CAD: variants seen among roughly 807,000 people sequenced by gnomAD.
CAD encodes the protein carbamoyl-phosphate synthetase 2, aspartate transcarbamylase, and dihydroorotase.
In CAD, 81 loss-of-function variants were observed where a neutral mutation model predicts 237.2. The observed-to-expected ratio is 0.34, with a 90% CI of 0.29 to 0.41. CAD has a LOEUF of 0.41. CAD is among the 10% of genes least tolerant of loss of function. The probability of loss-of-function intolerance (pLI) is 1.00; values close to 1 mark genes in which losing one functional copy is unlikely to be tolerated. For synonymous variants in CAD, 1,196 were observed against 1,162.8 expected (o/e 1.03, Z -0.58); for missense variants, 2,181 against 2,951.7 (o/e 0.74, Z 6.05).
In CAD at chr2:27,236,828, CG is replaced by C; in HGVS notation, c.4396+1del. 6.2e-7 allele frequency: 1 copy of C among 1,613,840 alleles called. No individual in the cohort carries two copies. Among genetic ancestry groups the C allele is most frequent in the East Asian group, 2.2e-5 (1 of 44,864 alleles). On this transcript the variant is annotated frameshift_variant and splice_region_variant, in exon 27 of 44. Coordinates refer to ENST00000264705, the MANE Select transcript of CAD (RefSeq NM_004341.5). LOFTEE classifies it high-confidence loss of function. This position sits in a 1 kb window ranked among gnomAD's most constrained non-coding sequence, Gnocchi z 4.1. The stretch of plus-strand genomic sequence containing the variant: ...ACCTCCCAAAAGCTTGTGCGACTGC[CG>C]GGTAAGTCTTTGGGGAGAACTTGGC... ...CMTSQKLVRL[P>X]GLIDVHVHLR...
In CAD at chr2:27,226,318, A is replaced by G; in HGVS notation, c.2030A>G (p.Gln677Arg). The G allele has an allele frequency of 6.2e-7, 1 of 1,613,996 alleles. No homozygotes were observed. The highest frequency in any genetic ancestry group is 8.5e-7 in the Non-Finnish European group (1 of 1,179,864). The change falls in exon 13 of 44, where the codon CAG becomes CGG. Residue 677 changes from glutamine (Q) to arginine (R), a missense_variant and splice_region_variant. Coordinates refer to ENST00000264705, the MANE Select transcript of CAD (RefSeq NM_004341.5). ...VQYALNPESE[Q>R]YYIIEVNARL... ...TATGCCTTGAACCCTGAGTCTGAGC[A>G]GGTAAGCTCTAGGCCCTGGAACTGA...
Position 27,232,815 on chromosome 2 carries a change from G to T in CAD, c.2892+121G>T. On this transcript the variant is annotated intron_variant, in intron 18 of 43. Transcript: ENST00000264705. The surrounding 1 kb of genome is among the most constrained non-coding windows in gnomAD (Gnocchi z 4.1). Reference sequence around the variant, plus strand: ...CCCTTACTTTGGTCATAGAGCTTTGGGGTGGGGGTCCTTTTAGGCCATCTC... The same window carrying T: ...CCCTTACTTTGGTCATAGAGCTTTGTGGTGGGGGTCCTTTTAGGCCATCTC... 1 of 1,282,416 alleles carries T rather than the reference G, an allele frequency of 7.8e-7. No individual in the cohort carries two copies. Among genetic ancestry groups the T allele is most frequent in the East Asian group, 2.3e-5 (1 of 43,268 alleles). The allele number at this position is 1,282,416 out of a possible 1,614,324, so 79.4% of individuals were successfully genotyped here.
Position 27,234,061 on chromosome 2 carries a change from C to A in CAD, c.3453C>A (p.Ile1151=). Residue 1151 remains isoleucine (I), a synonymous_variant, in exon 22 of 44, where the codon ATC becomes ATA. Transcript: ENST00000264705. ...ATGGTGTGGTGGCAGCCATCGCCAT[C>A]TCTGAGCATGTGGAGAATGCAGGTG... The part of the protein sequence containing the change: ...ASDGVVAAIA[I]SEHVENAGVH... The A allele has an allele frequency of 6.2e-7, 1 of 1,614,168 alleles. No homozygotes were observed. Among genetic ancestry groups the A allele is most frequent in the Non-Finnish European group, 8.5e-7 (1 of 1,180,028 alleles).
At position 27,225,934 on chromosome 2, in the gene CAD, A is replaced by G; in HGVS notation, c.1842+8A>G. 1 of 1,611,558 alleles carries G rather than the reference A, an allele frequency of 6.2e-7. No homozygotes were observed. Among genetic ancestry groups the G allele is most frequent in the Middle Eastern group, 1.6e-4 (1 of 6,062 alleles). On this transcript the variant is annotated splice_region_variant and intron_variant, in intron 12 of 43. Transcript: ENST00000264705. ...TATGGCAACTGTGTCACGGTGAGTG[A>G]ATGGGGGAAGGGTGGGCGTCGTGTC...
chr2:27,225,239 A>T lies in CAD; in HGVS notation c.1616A>T (p.Glu539Val), dbSNP rs1415359226. The T allele has an allele frequency of 6.2e-7, 1 of 1,602,818 alleles. No homozygotes were observed. The highest frequency in any genetic ancestry group is 1.7e-5 in the Admixed American group (1 of 59,894). Residue 539 changes from glutamate to valine, a missense_variant, in exon 11 of 44, where the codon GAA (glutamate) becomes GTA (valine). This residue lies in a region of CAD where 174 missense variants were observed against 215.8 expected (regional missense o/e 0.81). Transcript: ENST00000264705. ...CCGAGCGAGGCAGCAAATTCTCTTG[A>T]ACAGGTTGGAGGGGTGTTTGGGTAA... ...VAPSEAANSL[E>V]QAQAAAERLG...
Position 27,239,394 on chromosome 2 carries a change from C to G in CAD, c.5317C>G (p.Pro1773Ala). The G allele has an allele frequency of 1.2e-6, 2 of 1,614,120 alleles. No homozygotes were observed. The highest frequency in any genetic ancestry group is 1.7e-6 in the Non-Finnish European group (2 of 1,179,996). ...GCCCTTCTCCAAGGCCCACTGGACACCTTTTGAAGGGCAGAAAGTGAAGGG... is the reference window on the plus strand; with the variant it reads ...GCCCTTCTCCAAGGCCCACTGGACAGCTTTTGAAGGGCAGAAAGTGAAGGG... ...HMPFSKAHWT[P>A]FEGQKVKGTV... Residue 1773 changes from proline (P) to alanine (A), a missense_variant, in exon 33 of 44, where the codon CCT becomes GCT. Around this residue, in one of 12 missense-constraint regions of CAD, gnomAD observed 478 missense variants for 515.0 expected, o/e 0.93. Transcript: ENST00000264705. This position sits in a 1 kb window ranked among gnomAD's most constrained non-coding sequence, Gnocchi z 4.0.
At position 27,235,129 on chromosome 2, in the gene CAD, C is replaced by A; in HGVS notation, c.3787-116C>A. On this transcript the variant is annotated intron_variant, in intron 23 of 43. Coordinates refer to ENST00000264705, the MANE Select transcript of CAD (RefSeq NM_004341.5). This position sits in a 1 kb window ranked among gnomAD's most constrained non-coding sequence, Gnocchi z 5.2. ...AAAGCAGGAGGGCACACAGAGAGGG[C>A]AGGCTGACCCTGCCATTCAGATGGG... 1.1e-6 allele frequency: 1 copy of A among 930,608 alleles called. No homozygotes were observed. Among genetic ancestry groups the A allele is most frequent in the Non-Finnish European group, 1.6e-6 (1 of 631,406 alleles). The allele number at this position is 930,608 out of a possible 1,614,324, so 57.6% of individuals were successfully genotyped here.
In CAD at chr2:27,239,257, G is replaced by A; in HGVS notation, c.5253+25G>A. On this transcript the variant is annotated intron_variant, in intron 32 of 43. Transcript: ENST00000264705. The surrounding 1 kb of genome is among the most constrained non-coding windows in gnomAD (Gnocchi z 4.0). The stretch of plus-strand genomic sequence containing the variant: ...GGTGTGGGGATGAGGCCCAGAGCAG[G>A]AGGGGGGCTCTCCAGCCCTAGGATA... The A allele has an allele frequency of 6.2e-7, 1 of 1,601,294 alleles. No homozygotes were observed. The highest frequency in any genetic ancestry group is 8.5e-7 in the Non-Finnish European group (1 of 1,170,024).
In CAD at chr2:27,237,535, TG is replaced by T; in HGVS notation, c.4555del (p.Ala1519ProfsTer37). ...PPIIDAPALALAQKLAEAGAR... is the reference protein window; with the variant it reads ...PPIIDAPALAXAQKLAEAGAR... ...ATCATTGACGCCCCTGCTCTGGCCC[TG>T]GCCCAGAAGGTGAGCCACTGCACTC... On this transcript the variant is annotated frameshift_variant, in exon 28 of 44. Transcript: ENST00000264705. LOFTEE classifies it high-confidence loss of function. The surrounding 1 kb of genome is among the most constrained non-coding windows in gnomAD (Gnocchi z 4.0). 6.2e-7 allele frequency: 1 copy of T among 1,613,176 alleles called. No homozygotes were observed. The highest frequency in any genetic ancestry group is 8.5e-7 in the Non-Finnish European group (1 of 1,179,664).
Position 27,242,702 on chromosome 2 carries a change from G to A in CAD, c.6305G>A (p.Arg2102His), listed in dbSNP as rs751027476. The change falls in exon 41 of 44, where the codon CGC becomes CAC. Residue 2102 changes from arginine (R) to histidine (H), a missense_variant. Around this residue, in one of 12 missense-constraint regions of CAD, gnomAD observed 170 missense variants for 212.1 expected, o/e 0.80. Coordinates refer to ENST00000264705, the MANE Select transcript of CAD (RefSeq NM_004341.5). The surrounding 1 kb of genome is among the most constrained non-coding windows in gnomAD (Gnocchi z 6.4). ...CTCACCCAGTATCGTGTCAGCCTGC[G>A]CTACGTGGCACCTCCCAGCCTGCGC... ...CLLTQYRVSL[R>H]YVAPPSLRMP... is the part of the protein sequence containing the mutation. 30 of 1,614,126 alleles carry A rather than the reference G, an allele frequency of 1.9e-5. No homozygotes were observed. Among genetic ancestry groups the A allele is most frequent in the Non-Finnish European group, 2.0e-5 (24 of 1,180,012 alleles).
chr2:27,219,590 T>G (rs773460452), intron 2 of CAD, among the ~76,000 whole-genome samples: 5 of 152,064 alleles, frequency 3.3e-5, no homozygotes, highest in Non-Finnish European at 5.9e-5. Flanking sequence ...TAATTTTTTT[T>G]TATTTTTATT....
chr2:27,236,218 C>G lies in CAD; in HGVS notation c.4075-66C>G. 1 of 1,586,090 alleles carries G rather than the reference C, an allele frequency of 6.3e-7. No individual in the cohort carries two copies. The highest frequency in any genetic ancestry group is 1.2e-5 in the South Asian group (1 of 86,340). On this transcript the variant is annotated intron_variant, in intron 25 of 43. Coordinates refer to ENST00000264705, the MANE Select transcript of CAD (RefSeq NM_004341.5). The surrounding 1 kb of genome is among the most constrained non-coding windows in gnomAD (Gnocchi z 4.1). ...ATGGGCTCCTGGGCCAGCTCCTCTC[C>G]CTTAAGGCTAGCCTTCCTGACCGCT...
In CAD at chr2:27,237,841, T is replaced by C; in HGVS notation, c.4687T>C (p.Phe1563Leu). ...GCTGAAGCTTTACCTCAATGAGACC[T>C]TCTCTGAGCTGCGGCTGGACAGCGT... ...AGLKLYLNET[F>L]SELRLDSVVQ... Residue 1563 changes from phenylalanine to leucine, a missense_variant, in exon 29 of 44, where the codon TTC (phenylalanine) becomes CTC (leucine). Physicochemically the swap from Phe to Leu is conservative, Grantham distance 22. Transcript: ENST00000264705. This position sits in a 1 kb window ranked among gnomAD's most constrained non-coding sequence, Gnocchi z 4.0. The C allele has an allele frequency of 6.2e-7, 1 of 1,613,528 alleles. No homozygotes were observed.
At position 27,223,711 on chromosome 2, in the gene CAD, A is replaced by C. The variant is rs764471966; in HGVS notation, c.958A>C (p.Asn320His). The C allele has an allele frequency of 6.2e-7, 1 of 1,614,200 alleles. No homozygotes were observed. The highest frequency in any genetic ancestry group is 1.3e-5 in the African/African-American group (1 of 75,058). The change falls in exon 7 of 44, where the codon AAT (asparagine) becomes CAT (histidine). Residue 320 changes from asparagine to histidine, a missense_variant. Transcript: ENST00000264705. ...PLFTNANDGS[N>H]EGIVHNSLPF... ...CTTCACCAACGCCAATGATGGTTCC[A>C]ATGAAGGCATTGTGCACAACAGCTT...
chr2:27,241,862 C>T lies in CAD; in HGVS notation c.5884-49C>T. 2 of 1,519,488 alleles carry T rather than the reference C, an allele frequency of 1.3e-6. No homozygotes were observed. Among genetic ancestry groups the T allele is most frequent in the Non-Finnish European group, 1.8e-6 (2 of 1,100,924 alleles). 94.1% of individuals were successfully genotyped at this position (1,519,488 alleles called of 1,614,324 possible). Reference sequence around the variant, plus strand: ...GGTGGTGGTGCCTAGCTGGGGTTTCCCCAGGGTGGACACGCATACGTACAC... The same window carrying T: ...GGTGGTGGTGCCTAGCTGGGGTTTCTCCAGGGTGGACACGCATACGTACAC... On this transcript the variant is annotated intron_variant, in intron 38 of 43. Coordinates refer to ENST00000264705, the MANE Select transcript of CAD (RefSeq NM_004341.5). This position sits in a 1 kb window ranked among gnomAD's most constrained non-coding sequence, Gnocchi z 4.6.
Position 27,239,868 on chromosome 2 carries a change from T to G in CAD, c.5496+70T>G, listed in dbSNP as rs1204646380. ...GGGCAGGATGAACAGCTTGAACATTTTCATTGGTGGTTCAGGAACAATTGG... is the reference window on the plus strand; with the variant it reads ...GGGCAGGATGAACAGCTTGAACATTGTCATTGGTGGTTCAGGAACAATTGG... On this transcript the variant is annotated intron_variant, in intron 34 of 43. Transcript: ENST00000264705. This position sits in a 1 kb window ranked among gnomAD's most constrained non-coding sequence, Gnocchi z 4.0. 4 of 1,110,118 alleles carry G rather than the reference T, an allele frequency of 3.6e-6. No homozygotes were observed. The African/African-American group carries it at 6.3e-5, about 17-fold the overall frequency. The allele number at this position is 1,110,118 out of a possible 1,614,324, so 68.8% of individuals were successfully genotyped here. A position where few individuals can be genotyped will look rare whatever the true frequency, so the allele number is the denominator to read the frequency against.
rs886864922 is a variant in CAD at position 27,232,787 on chromosome 2, C to T, written c.2892+93C>T. The T allele has an allele frequency of 1.7e-5, 26 of 1,513,376 alleles. No individual in the cohort carries two copies. The highest frequency in any genetic ancestry group is 1.5e-4 in the African/African-American group (11 of 72,844). 93.7% of individuals were successfully genotyped at this position (1,513,376 alleles called of 1,614,324 possible). A position where few individuals can be genotyped will look rare whatever the true frequency, so the allele number is the denominator to read the frequency against. On this transcript the variant is annotated intron_variant, in intron 18 of 43. Coordinates refer to ENST00000264705, the MANE Select transcript of CAD (RefSeq NM_004341.5). This position sits in a 1 kb window ranked among gnomAD's most constrained non-coding sequence, Gnocchi z 4.1. ...AATCCTGGCATTTCCTATTAATTGC[C>T]GTCCCTTACTTTGGTCATAGAGCTT...
Position 27,236,609 on chromosome 2 carries a change from C to A in CAD, c.4314+86C>A. 6.3e-7 allele frequency: 1 copy of A among 1,576,680 alleles called. No homozygotes were observed. The highest frequency in any genetic ancestry group is 8.7e-7 in the Non-Finnish European group (1 of 1,152,676). The stretch of plus-strand genomic sequence containing the variant: ...GAGGAGTGAGTATGGAACAGCCATG[C>A]TAGTAATAAAGCTTTGTGGCTACAG... On this transcript the variant is annotated intron_variant, in intron 26 of 43. Transcript: ENST00000264705. The surrounding 1 kb of genome is among the most constrained non-coding windows in gnomAD (Gnocchi z 4.1).
rs867407681 is a variant in CAD at position 27,225,736 on chromosome 2, C to T, written c.1652C>T (p.Pro551Leu). ...GCAGCCGCTGAACGGCTGGGGTACC[C>T]TGTGCTAGTGCGTGCAGCCTTTGCC... ...AQAAAERLGYPVLVRAAFALG... is the reference protein window; with the variant it reads ...AQAAAERLGYLVLVRAAFALG... Residue 551 changes from proline to leucine, a missense_variant, in exon 12 of 44, where the codon CCT becomes CTT. Pro to Leu is a moderately conservative substitution (Grantham distance 98). This residue lies in a region of CAD where 174 missense variants were observed against 215.8 expected (regional missense o/e 0.81). Transcript: ENST00000264705. The T allele has an allele frequency of 6.2e-7, 1 of 1,614,168 alleles. No homozygotes were observed. The highest frequency in any genetic ancestry group is 1.1e-5 in the South Asian group (1 of 91,090).
Sources: allele counts gnomAD v4.1 joint callset (sites outside exome capture counted in the v4.1 genomes callset), GRCh38; gene constraint gnomAD v4.1.1; regional missense constraint gnomAD v4.1.1; non-coding constraint Gnocchi (gnomAD v3.1); transcripts MANE v1.5; gene names NCBI Gene and HGNC (gene_info 2026-07-23, HGNC 2026-07-21).